The following NKAIN2 variants were observed in gnomAD, a reference collection of about 807,000 sequenced individuals.
NKAIN2 encodes sodium/potassium transporting ATPase interacting 2, also known as sodium/potassium-transporting ATPase subunit beta-1-interacting protein 2.
Under a neutral mutation model 32.6 loss-of-function variants are expected in NKAIN2, and 14 were observed. That is an observed-to-expected ratio of 0.43 (90% CI 0.28 to 0.67). The LOEUF (loss-of-function observed/expected upper bound fraction) is 0.67. NKAIN2 is among the 30% of genes least tolerant of loss of function. The probability of loss-of-function intolerance (pLI) is 0.17; values close to 1 mark genes in which losing one functional copy is unlikely to be tolerated. For missense variants in NKAIN2, 198 were observed against 258.3 expected, an observed-to-expected ratio of 0.77 and a Z score of 1.60; for synonymous variants, 80 against 87.2, an observed-to-expected ratio of 0.92 and a Z score of 0.46.
chr6:123,887,871 G>GCCTCATTT (rs1773803142), intron 1 of NKAIN2, among the ~76,000 whole-genome samples: 1 of 152,066 alleles, frequency 6.6e-6, no homozygotes, highest in Non-Finnish European at 1.5e-5. Context: ...GGGCTGGGGA[G>GCCTCATTT]CCTCATTTTC....
intron 1 of NKAIN2, among the ~76,000 whole-genome samples, chr6:123,893,737 G>T (rs865795081): frequency 6.6e-6 from 1 of 152,160 alleles, no homozygotes; most frequent in African/African-American, 2.4e-5. Flanking sequence ...AGCCTTAAAA[G>T]TACAGATCTA....
intron 3 of NKAIN2, among the ~76,000 whole-genome samples, chr6:124,362,108 A>G (rs975858512): frequency 1.3e-5 from 2 of 152,138 alleles, no homozygotes; most frequent in African/African-American, 4.8e-5. Context: ...ACTACCTATA[A>G]TAATTGATTT....
intron 3 of NKAIN2, among the ~76,000 whole-genome samples, chr6:124,472,220 C>T (rs1777003148): frequency 6.6e-6 from 1 of 152,054 alleles, no homozygotes; most frequent in South Asian, 2.1e-4. Flanking sequence ...TGAAAGGATA[C>T]ATTAGATGAA....
At chr6:124,496,496 G>C (rs1778068719) in intron 3 of NKAIN2, among the ~76,000 whole-genome samples, 1 of 152,138 alleles carries the variant, frequency 6.6e-6, no homozygotes, top group Non-Finnish European at 1.5e-5. Flanking sequence ...TTGCAAGGTA[G>C]AGAGGCATAA....
intron 1 of NKAIN2, among the ~76,000 whole-genome samples, chr6:124,004,700 G>A (rs1359077198): frequency 1.3e-5 from 2 of 151,794 alleles, no homozygotes; most frequent in Admixed American, 6.6e-5. Flanking sequence ...ATCACACACC[G>A]GGGCCTGTCA....
rs138376906 is a variant in NKAIN2 at position 124,766,956 on chromosome 6, G to A, written c.475-24383G>A. Among the ~76,000 whole-genome samples the A allele has an allele frequency of 4.8e-3, 730 of 152,048 alleles. 5 individuals are homozygous for A. Among genetic ancestry groups the A allele is most frequent in the Middle Eastern group, 6.8e-3 (2 of 294 alleles). On this transcript the variant is annotated intron_variant, in intron 4 of 6. Coordinates refer to ENST00000368417, the MANE Select transcript of NKAIN2 (RefSeq NM_001040214.3). ...GTTTCCCAGGCCGGAGTGCAGTGGC[G>A]CCATCCTGGCTCACTGCAACCTCTG...
chr6:124,527,857 G>A lies in NKAIN2; in HGVS notation c.274-130329G>A, dbSNP rs116131549. Among the ~76,000 whole-genome samples the A allele has an allele frequency of 8.3e-4, 126 of 152,228 alleles. 1 individual carries two copies. The highest frequency in any genetic ancestry group is 2.9e-3 in the African/African-American group (121 of 41,554). On this transcript the variant is annotated intron_variant, in intron 3 of 6. Transcript: ENST00000368417. ...TGCATAGGTGAAGGGAGTTGAAAAG[G>A]CATTCTAGAAAGAGAGAAGAGCATG... is the stretch of plus-strand genomic sequence containing the variant.
chr6:124,816,130 A>C (rs942013276), intron 5 of NKAIN2, among the ~76,000 whole-genome samples: 1 of 152,202 alleles, frequency 6.6e-6, no homozygotes, highest in African/African-American at 2.4e-5. Context: ...TCAAGCCATG[A>C]AAAGTCCTGG....
chr6:123,843,998 G>T (rs1163484307), intron 1 of NKAIN2, among the ~76,000 whole-genome samples: 3 of 152,166 alleles, frequency 2.0e-5, no homozygotes, highest in African/African-American at 7.2e-5. Context: ...ATGACAAAAT[G>T]ACAGATAAGT....
intron 3 of NKAIN2, among the ~76,000 whole-genome samples, chr6:124,571,143 C>T (rs908429379): frequency 4.6e-5 from 7 of 152,094 alleles, no homozygotes; most frequent in South Asian, 2.1e-4. Context: ...ACCCAATACC[C>T]GTACCGCCAT....
chr6:124,409,702 C>T (rs1472177101), intron 3 of NKAIN2, among the ~76,000 whole-genome samples: 1 of 152,138 alleles, frequency 6.6e-6, no homozygotes, highest in South Asian at 2.1e-4. Flanking sequence ...GATGATGCTG[C>T]CTCATAAAAT....
At chr6:124,158,896 G>A (rs961907212) in intron 1 of NKAIN2, among the ~76,000 whole-genome samples, 5 of 151,994 alleles carry the variant, frequency 3.3e-5, no homozygotes, top group African/African-American at 4.8e-5. Flanking sequence ...GTTTGCTTTC[G>A]GAGTCACAGA....
At chr6:124,445,810 C>T (rs1315699924) in intron 3 of NKAIN2, among the ~76,000 whole-genome samples, 1 of 152,024 alleles carries the variant, frequency 6.6e-6, no homozygotes, top group African/African-American at 2.4e-5. Context: ...CACTGCTGCC[C>T]AGGCTTGGCA....
chr6:124,726,690 G>T (rs546331307), intron 4 of NKAIN2, among the ~76,000 whole-genome samples: 1 of 144,430 alleles, frequency 6.9e-6, no homozygotes, highest in Non-Finnish European at 1.5e-5. Flanking sequence ...ACCAGCAATG[G>T]AACAAAGCTG....
intron 3 of NKAIN2, among the ~76,000 whole-genome samples, chr6:124,361,303 TACTC>T (rs1799277568): frequency 6.6e-6 from 1 of 152,056 alleles, no homozygotes. Context: ...AATTATAAAT[TACTC>T]AGGCTGAAAT....
At chr6:123,959,383 G>T (rs977924329) in intron 1 of NKAIN2, among the ~76,000 whole-genome samples, 1 of 152,150 alleles carries the variant, frequency 6.6e-6, no homozygotes, top group Non-Finnish European at 1.5e-5. Flanking sequence ...GGCCTACTCT[G>T]CCAGGAGTCC....
intron 4 of NKAIN2, among the ~76,000 whole-genome samples, chr6:124,763,038 A>G (rs1395087261): frequency 2.0e-5 from 3 of 152,232 alleles, no homozygotes; most frequent in Non-Finnish European, 4.4e-5. Context: ...TGCTAAGTGC[A>G]ATAGGCCAGG....
At chr6:124,440,773 A>G (rs1775654666) in intron 3 of NKAIN2, among the ~76,000 whole-genome samples, 1 of 152,192 alleles carries the variant, frequency 6.6e-6, no homozygotes, top group African/African-American at 2.4e-5. Flanking sequence ...TTTGAGATAT[A>G]ACGGGACACT....
At chr6:124,131,244 A>C (rs750108181) in intron 1 of NKAIN2, among the ~76,000 whole-genome samples, 2 of 152,172 alleles carry the variant, frequency 1.3e-5, no homozygotes, top group East Asian at 3.9e-4. Context: ...TCTGGGGTTC[A>C]AGTGATCCTC....
Sources: gnomAD v4.1 joint callset for allele counts (sites outside exome capture counted in the v4.1 genomes callset) on GRCh38, gnomAD v4.1.1 for gene constraint, MANE v1.5 for transcripts, NCBI Gene and HGNC (gene_info 2026-07-23, HGNC 2026-07-21) for gene names.